The following ZNF100 variants were observed in gnomAD, a reference collection of about 807,000 sequenced individuals.
The protein encoded by ZNF100 is zinc finger protein 100 (Y1).
Under a neutral mutation model 15.8 loss-of-function variants are expected in ZNF100, and 12 were observed. That is an observed-to-expected ratio of 0.76 (90% CI 0.49 to 1.23). ZNF100 has a LOEUF of 1.23. Among genes scored for constraint, ZNF100 ranks in the 50% most tolerant of loss-of-function variants. The probability of loss-of-function intolerance (pLI) is 0.00; values close to 1 mark genes in which losing one functional copy is unlikely to be tolerated. For synonymous variants in ZNF100, 226 were observed against 214.8 expected, an observed-to-expected ratio of 1.05 and a Z score of -0.45; for missense variants, 670 against 635.6, an observed-to-expected ratio of 1.05 and a Z score of -0.58.
At chr19:21,734,285 T>A (rs149855594) in intron 4 of ZNF100, among the ~76,000 whole-genome samples, 264 of 152,264 alleles carry the variant, frequency 1.7e-3, no homozygotes, top group Admixed American at 3.1e-3. Context: ...TGAAGCATGT[T>A]CTAACCCAAT....
intron 4 of ZNF100, among the ~76,000 whole-genome samples, chr19:21,730,928 A>T (rs1297344757): frequency 6.6e-6 from 1 of 152,194 alleles, no homozygotes; most frequent in Non-Finnish European, 1.5e-5. Context: ...ATATTTTGAA[A>T]ATGTCCATAC....
At chr19:21,735,651 G>C (rs2035995844) in intron 4 of ZNF100, among the ~76,000 whole-genome samples, 1 of 151,986 alleles carries the variant, frequency 6.6e-6, no homozygotes, top group East Asian at 1.9e-4. Flanking sequence ...AATAAAATCA[G>C]AAAAAAAGCA....
At chr19:21,765,157 T>G (rs1218359399) in intron 2 of ZNF100, among the ~76,000 whole-genome samples, 1 of 152,214 alleles carries the variant, frequency 6.6e-6, no homozygotes, top group Non-Finnish European at 1.5e-5. Context: ...TTGTAAATAT[T>G]TTTCTACCTT....
intron 4 of ZNF100, among the ~76,000 whole-genome samples, chr19:21,729,458 T>C (rs749095351): frequency 1.1e-4 from 16 of 151,214 alleles, no homozygotes; most frequent in Non-Finnish European, 2.2e-4. Context: ...TTAGGAGAAA[T>C]ACCTAATGTA....
intron 4 of ZNF100, 152 bp downstream of exon 4, chr19:21,743,865 A>G: frequency 1.2e-6 from 1 of 803,358 alleles, no homozygotes. Flanking sequence ...AAAAAAAAAA[A>G]AAAAAAAAAG....
chr19:21,756,387 G>C (rs549971273), intron 2 of ZNF100, among the ~76,000 whole-genome samples: 1 of 152,254 alleles, frequency 6.6e-6, no homozygotes, highest in African/African-American at 2.4e-5. Context: ...AAACTGAAAA[G>C]CAAGTTCTGC....
At chr19:21,754,238 A>G (rs2036356629) in intron 2 of ZNF100, among the ~76,000 whole-genome samples, 1 of 151,412 alleles carries the variant, frequency 6.6e-6, no homozygotes. Context: ...TACCACCTCA[A>G]AAAAAAAACA....
intron 4 of ZNF100, among the ~76,000 whole-genome samples, chr19:21,739,281 C>T (rs532898759): frequency 7.9e-5 from 12 of 152,278 alleles, no homozygotes; most frequent in Middle Eastern, 3.4e-3. Context: ...TTGAAGAATA[C>T]GTAGTGGCTG....
chr19:21,741,162 G>T (rs1242940909), intron 4 of ZNF100, among the ~76,000 whole-genome samples: 3 of 147,084 alleles, frequency 2.0e-5, no homozygotes, highest in Non-Finnish European at 1.5e-5. Context: ...CAAAATGATG[G>T]ACACTGTATG....
At chr19:21,763,543 T>C (rs556006467) in intron 2 of ZNF100, among the ~76,000 whole-genome samples, 21 of 152,256 alleles carry the variant, frequency 1.4e-4, no homozygotes, top group African/African-American at 4.8e-4. Context: ...TGAGCCGAGA[T>C]TGCACCACTG....
Position 21,727,724 on chromosome 19 carries a change from C to T in ZNF100, c.588G>A (p.Lys196=), listed in dbSNP as rs1431533276. The T allele has an allele frequency of 8.7e-6, 14 of 1,613,448 alleles. No homozygotes were observed. Among genetic ancestry groups the T allele is most frequent in the African/African-American group, 1.3e-5 (1 of 74,880 alleles). Residue 196 remains lysine (K), a synonymous_variant, in exon 5 of 5, where the codon AAG becomes AAA. Coordinates refer to ENST00000358296, the MANE Select transcript of ZNF100 (RefSeq NM_173531.4). ...AAGGTTTCTTTCTAGTATGTCTTAT[C>T]TTATGTCTGTTTGAATTTGAAAATG... ...FHTFSNSNRH[K]IRHTRKKPFK...
At chr19:21,745,167 G>C in intron 2 of ZNF100, 100 bp from the exon 3 acceptor site, 1 of 1,483,828 alleles carries the variant, frequency 6.7e-7, no homozygotes, top group Non-Finnish European at 9.0e-7. Flanking sequence ...AAAGAGAATT[G>C]GTTCTGATTA....
In ZNF100 at chr19:21,745,678, G is replaced by A. The variant is rs1475816849; in HGVS notation, c.97-611C>T. Among the ~76,000 whole-genome samples, 8 of 151,742 alleles carry A rather than the reference G, an allele frequency of 5.3e-5. No homozygotes were observed. The East Asian group carries it at 7.8e-4, about 15-fold the overall frequency. The stretch of plus-strand genomic sequence containing the variant: ...GCTGGGACTACAGGCGCCCGCCACC[G>A]CGCCCGGCTAATTTTTTGTATTTTT... On this transcript the variant is annotated intron_variant, in intron 2 of 4. Coordinates refer to ENST00000358296, the MANE Select transcript of ZNF100 (RefSeq NM_173531.4).
rs1470549527 is a variant in ZNF100, at chr19:21,724,120, A to G, written c.*2563T>C. ...TCTATCATGAGTACCAGGCAAGTAT[A>G]AACAGAATTTTCATGGGGAGATTCA... On this transcript the variant is annotated 3_prime_UTR_variant, in exon 5 of 5. Coordinates refer to ENST00000358296, the MANE Select transcript of ZNF100 (RefSeq NM_173531.4). 1 of 152,206 alleles carries G rather than the reference A, an allele frequency of 6.6e-6. No individual in the cohort carries two copies. The highest frequency in any genetic ancestry group is 2.4e-5 in the African/African-American group (1 of 41,458). The allele number at this position is 152,206 out of a possible 1,614,324, so 9.4% of individuals were successfully genotyped here.
Position 21,744,261 on chromosome 19 carries a change from A to G in ZNF100, c.224-146T>C, listed in dbSNP as rs967318609. 2.3e-4 allele frequency: 182 copies of G among 796,578 alleles called. No individual in the cohort carries two copies. In the African/African-American group the frequency reaches 2.9e-3, roughly 13 times the overall value. The allele number at this position is 796,578 out of a possible 1,614,324, so 49.3% of individuals were successfully genotyped here. A position where few individuals can be genotyped will look rare whatever the true frequency, so the allele number is the denominator to read the frequency against. On this transcript the variant is annotated intron_variant, in intron 3 of 4. Transcript: ENST00000358296. ...ATGAGAGAAATTTCTAAATATTTAG[A>G]AAATATTTTAAATTTGTAGGTTCTT...
In ZNF100 at chr19:21,727,086, C is replaced by T. The variant is rs199672005; in HGVS notation, c.1226G>A (p.Gly409Asp). Residue 409 changes from glycine to aspartate, a missense_variant, in exon 5 of 5, where the codon GGC becomes GAC. Gly to Asp is a moderately conservative substitution (Grantham distance 94). Transcript: ENST00000358296. ...KFYKCEECGK[G>D]FNWSSALTKH... ...AGTGAGGGCTGAGGACCAGTTAAAG[C>T]CTTTGCCGCATTCTTCACATTTGTA... 1.2e-5 allele frequency: 20 copies of T among 1,604,052 alleles called. No individual in the cohort carries two copies. In the African/African-American group the frequency reaches 2.4e-4, roughly 19 times the overall value.
chr19:21,747,041 T>C (rs1311751392), intron 2 of ZNF100, among the ~76,000 whole-genome samples: 1 of 152,020 alleles, frequency 6.6e-6, no homozygotes, highest in Non-Finnish European at 1.5e-5. Flanking sequence ...TCAGGAAAAA[T>C]GTGCTGCTCC....
chr19:21,764,284 A>G (rs372775336), intron 2 of ZNF100, among the ~76,000 whole-genome samples: 8 of 152,294 alleles, frequency 5.3e-5, no homozygotes, highest in African/African-American at 1.9e-4. Context: ...AAATCCAGCA[A>G]AATGCAGTGT....
At chr19:21,743,375 C>A (rs971201628) in intron 4 of ZNF100, among the ~76,000 whole-genome samples, 1 of 152,130 alleles carries the variant, frequency 6.6e-6, no homozygotes, top group African/African-American at 2.4e-5. Context: ...AATAAACTTC[C>A]TATTAAAATT....
Sources: gnomAD v4.1 joint callset for allele counts (sites outside exome capture counted in the v4.1 genomes callset) on GRCh38, gnomAD v4.1.1 for gene constraint, MANE v1.5 for transcripts, NCBI Gene and HGNC (gene_info 2026-07-23, HGNC 2026-07-21) for gene names.